The following NLGN1 variants were observed in gnomAD, a reference collection of about 807,000 sequenced individuals.
NLGN1 encodes the protein neuroligin-1.
NLGN1 carries 12 observed loss-of-function variants against 65.5 expected under a neutral mutation model. That is an observed-to-expected ratio of 0.18 (90% CI 0.12 to 0.30). NLGN1 has a LOEUF of 0.30. Ranked by LOEUF, NLGN1 falls within the 10% of genes least tolerant of loss-of-function variation. The pLI is 1.00. For synonymous variants in NLGN1, 350 were observed against 359.5 expected (o/e 0.97, Z 0.30); for missense variants, 750 against 1,007.1 (o/e 0.74, Z 3.46).
intron 4 of NLGN1, among the ~76,000 whole-genome samples, chr3:174,001,008 C>G (rs987684463): frequency 6.6e-6 from 1 of 152,152 alleles, no homozygotes; most frequent in Admixed American, 6.5e-5. Flanking sequence ...TGCACACTGC[C>G]TGTTCCCCAC....
rs568790963 is a variant in NLGN1 at position 174,269,330 on chromosome 3, TC to T, written c.647-5980del. Among the ~76,000 whole-genome samples, 649 of 152,044 alleles carry T rather than the reference TC, an allele frequency of 4.3e-3. 3 individuals carry two copies. The highest frequency in any genetic ancestry group is 6.9e-3 in the Non-Finnish European group (468 of 67,920). ...AACTCTATACTCATTAAATACTAATTCCCCCTTCCCCTTTCTCCACAGCTCT... is the reference window on the plus strand; with the variant it reads ...AACTCTATACTCATTAAATACTAATTCCCCTTCCCCTTTCTCCACAGCTCT... On this transcript the variant is annotated intron_variant, in intron 4 of 6. Coordinates refer to ENST00000457714, the Ensembl canonical transcript of NLGN1.
intron 4 of NLGN1, among the ~76,000 whole-genome samples, chr3:174,028,925 C>A (rs1199282465): frequency 6.6e-6 from 1 of 152,168 alleles, no homozygotes; most frequent in Non-Finnish European, 1.5e-5. Flanking sequence ...TAGTGCCCTG[C>A]ATCCCAGCCA....
intron 4 of NLGN1, among the ~76,000 whole-genome samples, chr3:173,886,834 A>G (rs1345059737): frequency 1.3e-5 from 2 of 152,018 alleles, no homozygotes; most frequent in Non-Finnish European, 2.9e-5. Context: ...ATAACCGTCA[A>G]CCCACCACTT....
intron 4 of NLGN1, among the ~76,000 whole-genome samples, chr3:173,995,097 C>T (rs1721988273): frequency 6.6e-6 from 1 of 152,152 alleles, no homozygotes; most frequent in Non-Finnish European, 1.5e-5. Flanking sequence ...AGCCTGCTAG[C>T]CCGAGGTTTG....
At chr3:174,026,254 G>A (rs1266145580) in intron 4 of NLGN1, among the ~76,000 whole-genome samples, 3 of 152,060 alleles carry the variant, frequency 2.0e-5, no homozygotes, top group Non-Finnish European at 4.4e-5. Context: ...AGCCCCACAA[G>A]CAGCTGGGAC....
At chr3:173,623,793 A>G (rs1248666981) in intron 3 of NLGN1, among the ~76,000 whole-genome samples, 1 of 152,146 alleles carries the variant, frequency 6.6e-6, no homozygotes, top group South Asian at 2.1e-4. Flanking sequence ...CTTTGGTTAG[A>G]TTGATGATAC....
At chr3:174,036,660 T>C (rs1347654932) in intron 4 of NLGN1, among the ~76,000 whole-genome samples, 1 of 150,774 alleles carries the variant, frequency 6.6e-6, no homozygotes, top group African/African-American at 2.4e-5. Flanking sequence ...ACAGGTAAAC[T>C]TGTGTCGTGG....
rs75196375 is a variant in NLGN1, at chr3:174,112,776, A to G, written c.647-162539A>G. On this transcript the variant is annotated intron_variant, in intron 4 of 6. Coordinates refer to ENST00000457714, the Ensembl canonical transcript of NLGN1. ...AAAAATATGTTAGATTAAAATAAAA[A>G]TATGATTTATTTTTATTTTAGACCC... Among the ~76,000 whole-genome samples, 672 of 152,046 alleles carry G rather than the reference A, an allele frequency of 4.4e-3. 3 individuals carry two copies. Among genetic ancestry groups the G allele is most frequent in the African/African-American group, 0.015 (632 of 41,544 alleles).
intron 2 of NLGN1, among the ~76,000 whole-genome samples, chr3:173,569,587 C>CT (rs58825067): frequency 1.2e-3 from 164 of 139,396 alleles, no homozygotes; most frequent in Non-Finnish European, 2.1e-3. Context: ...ATCATGGTTT[C>CT]TTTTTTTTTT....
chr3:174,183,654 C>T (rs1214048179), intron 4 of NLGN1, among the ~76,000 whole-genome samples: 1 of 152,014 alleles, frequency 6.6e-6, no homozygotes, highest in Non-Finnish European at 1.5e-5. Context: ...TAGATATTTA[C>T]TACTTACATG....
At chr3:174,118,449 G>T (rs566175024) in intron 4 of NLGN1, among the ~76,000 whole-genome samples, 49 of 152,170 alleles carry the variant, frequency 3.2e-4, no homozygotes, top group African/African-American at 8.2e-4. Context: ...CAAATAATAA[G>T]AAGAAGATAT....
chr3:173,570,378 C>CA (rs908113766), intron 2 of NLGN1, among the ~76,000 whole-genome samples: 6 of 152,124 alleles, frequency 3.9e-5, no homozygotes, highest in Non-Finnish European at 7.4e-5. Context: ...GATTGCTGGG[C>CA]AGGAAGGGAA....
intron 2 of NLGN1, among the ~76,000 whole-genome samples, chr3:173,451,450 T>A (rs2148847556): frequency 6.6e-6 from 1 of 152,308 alleles, no homozygotes; most frequent in Non-Finnish European, 1.5e-5. Flanking sequence ...CCTGGCCGTG[T>A]GAGGTGTCAG....
At chr3:173,856,783 A>G (rs1163120381) in intron 4 of NLGN1, among the ~76,000 whole-genome samples, 1 of 152,150 alleles carries the variant, frequency 6.6e-6, no homozygotes, top group East Asian at 1.9e-4. Flanking sequence ...AGAAAAGTGA[A>G]CAGCACAAGG....
chr3:173,560,948 C>T (rs1447870778), intron 2 of NLGN1, among the ~76,000 whole-genome samples: 1 of 152,094 alleles, frequency 6.6e-6, no homozygotes, highest in Non-Finnish European at 1.5e-5. Context: ...TCATATATTA[C>T]TATGTTTAAC....
chr3:173,688,003 G>A (rs1411362044), intron 3 of NLGN1, among the ~76,000 whole-genome samples: 1 of 152,126 alleles, frequency 6.6e-6, no homozygotes, highest in African/African-American at 2.4e-5. Flanking sequence ...TAATAATAAG[G>A]CATACTAGTG....
chr3:173,722,685 G>C (rs1771060675), intron 3 of NLGN1, among the ~76,000 whole-genome samples: 1 of 152,114 alleles, frequency 6.6e-6, no homozygotes, highest in African/African-American at 2.4e-5. Flanking sequence ...GCATGACCAT[G>C]ACAAAATTAC....
chr3:173,569,391 G>A (rs1229934740), intron 2 of NLGN1, among the ~76,000 whole-genome samples: 2 of 151,742 alleles, frequency 1.3e-5, no homozygotes, highest in Non-Finnish European at 2.9e-5. Context: ...TTGTTACTCA[G>A]GGCTTTTATT....
At chr3:174,208,652 C>T (rs910028182) in intron 4 of NLGN1, among the ~76,000 whole-genome samples, 16 of 121,294 alleles carry the variant, frequency 1.3e-4, no homozygotes, top group South Asian at 1.1e-3. Context: ...TGCAAGATAG[C>T]GCCATTATAG....
Sources: gnomAD v4.1 joint callset for allele counts (sites outside exome capture counted in the v4.1 genomes callset) on GRCh38, gnomAD v4.1.1 for gene constraint, MANE v1.5 for transcripts, NCBI Gene and HGNC (gene_info 2026-07-23, HGNC 2026-07-21) for gene names.